WDR49: variants seen among roughly 807,000 people sequenced by gnomAD.
WDR49 encodes WD repeat domain 49, also known as cilia- and flagella-associated protein 337.
In WDR49, 107 loss-of-function variants were observed where a neutral mutation model predicts 119.5. The ratio of observed to expected loss-of-function variants is 0.90; its 90% CI spans 0.77 to 1.05. WDR49 has a LOEUF of 1.05. WDR49 is among the 50% of genes least tolerant of loss of function. The pLI is 0.00. For synonymous variants in WDR49, 425 were observed against 418.8 expected (o/e 1.01, Z -0.18); for missense variants, 1,240 against 1,220.5 (o/e 1.02, Z -0.24).
intron 18 of WDR49, among the ~76,000 whole-genome samples, chr3:167,499,655 T>A (rs1259342908): frequency 2.0e-5 from 3 of 152,246 alleles, no homozygotes; most frequent in African/African-American, 7.2e-5. Flanking sequence ...TAGGGATCAT[T>A]CACTTATAGT....
intron 15 of WDR49, among the ~76,000 whole-genome samples, chr3:167,525,382 T>C (rs1289328776): frequency 6.6e-6 from 1 of 152,124 alleles, no homozygotes; most frequent in Admixed American, 6.6e-5. Context: ...TCTCTGCATA[T>C]TTGAATACCC....
At chr3:167,537,302 A>G (rs1357274779) in intron 10 of WDR49, among the ~76,000 whole-genome samples, 1 of 152,162 alleles carries the variant, frequency 6.6e-6, no homozygotes, top group African/African-American at 2.4e-5. Context: ...CCTAAAGCAA[A>G]GTTTCCCCAC....
At chr3:167,557,053 C>T (rs992803589) in intron 9 of WDR49, among the ~76,000 whole-genome samples, 8 of 151,744 alleles carry the variant, frequency 5.3e-5, no homozygotes, top group African/African-American at 1.9e-4. Flanking sequence ...AAAAATTAGC[C>T]GAGCATGGTG....
At chr3:167,633,421 C>T (rs1362192890) in intron 2 of WDR49, 2 of 455,944 alleles carry the variant, frequency 4.4e-6, no homozygotes, top group East Asian at 1.4e-4. Context: ...GTTCCCAGAA[C>T]CATGGCTCTT....
At position 167,604,391 on chromosome 3, in the gene WDR49, C is replaced by T. The variant is rs768932055; in HGVS notation, c.1036G>A (p.Glu346Lys). 6.2e-7 allele frequency: 1 copy of T among 1,613,574 alleles called. No homozygotes were observed. The highest frequency in any genetic ancestry group is 1.3e-5 in the African/African-American group (1 of 74,884). Residue 346 changes from glutamate to lysine, a missense_variant, in exon 6 of 19, where the codon GAG becomes AAG. Glu to Lys is a moderately conservative substitution (Grantham distance 56). Transcript: ENST00000682715. ...ATATTAAGACGCTTTTTTGATTTCTCTCTCCAAGCCATCACCACACTATTT... is the reference window on the plus strand; with the variant it reads ...ATATTAAGACGCTTTTTTGATTTCTTTCTCCAAGCCATCACCACACTATTT... ...NTNSVVMAWR[E>K]KSKKRLNMTS...
chr3:167,614,015 A>G (rs756863716), intron 5 of WDR49, among the ~76,000 whole-genome samples: 1 of 152,062 alleles, frequency 6.6e-6, no homozygotes. Context: ...CCCTGGTCAA[A>G]GGGCAGAAAA....
At chr3:167,575,263 T>C (rs1714173593) in intron 8 of WDR49, 1 of 985,702 alleles carries the variant, frequency 1.0e-6, no homozygotes, top group South Asian at 4.7e-5. Context: ...CTTCACTGCC[T>C]GGGCCGCCCT....
At chr3:167,617,579 T>C (rs1369663961) in intron 5 of WDR49, among the ~76,000 whole-genome samples, 1 of 152,136 alleles carries the variant, frequency 6.6e-6, no homozygotes, top group East Asian at 1.9e-4. Flanking sequence ...AAAGAAAGAC[T>C]TGTCTTTAGT....
chr3:167,600,080 A>G (rs554611112), intron 7 of WDR49, among the ~76,000 whole-genome samples: 1 of 151,938 alleles, frequency 6.6e-6, no homozygotes, highest in Non-Finnish European at 1.5e-5. Flanking sequence ...CTGACCAGGG[A>G]CCTATCTTAT....
Position 167,540,859 on chromosome 3 carries a change from C to T in WDR49, c.1824-3859G>A, listed in dbSNP as rs565747431. ...TAAATAGATATCAAAAAGAAAAAAA[C>T]AATCACAACTTCTGAAAATGAAAGA... is the stretch of plus-strand genomic sequence containing the variant. On this transcript the variant is annotated intron_variant, in intron 10 of 18. Coordinates refer to ENST00000682715, the MANE Select transcript of WDR49 (RefSeq NM_001366157.1). 9.2e-5 allele frequency among the ~76,000 whole-genome samples: 14 copies of T among 151,788 alleles called. No homozygotes were observed. The South Asian group carries it at 1.9e-3, about 20-fold the overall frequency.
chr3:167,614,770 TC>T (rs1264777175), intron 5 of WDR49, among the ~76,000 whole-genome samples: 1 of 152,252 alleles, frequency 6.6e-6, no homozygotes, highest in Non-Finnish European at 1.5e-5. Flanking sequence ...TCATATTTGC[TC>T]ATGTGTTTCT....
intron 11 of WDR49, 141 bp from the exon 12 acceptor site, chr3:167,533,118 T>A (rs1312891597): frequency 9.5e-6 from 5 of 528,478 alleles, no homozygotes; most frequent in East Asian, 8.9e-5. Context: ...TTTAGAAACA[T>A]GAATAATAAT....
In WDR49 at chr3:167,560,235, G is replaced by C. The variant is rs773474637; in HGVS notation, c.1510-7C>G. ...CTGTATCAGAGCTGATTACCTAAGA[G>C]AAAATAACATTTTAAAGAAATTAAA... On this transcript the variant is annotated splice_polypyrimidine_tract_variant and splice_region_variant and intron_variant, in intron 8 of 18. Transcript: ENST00000682715. 7 of 1,605,500 alleles carry C rather than the reference G, an allele frequency of 4.4e-6. No individual in the cohort carries two copies. Among genetic ancestry groups the C allele is most frequent in the Non-Finnish European group, 6.0e-6 (7 of 1,176,278 alleles).
intron 16 of WDR49, among the ~76,000 whole-genome samples, chr3:167,508,563 A>G (rs1332602573): frequency 5.3e-5 from 8 of 152,198 alleles, no homozygotes; most frequent in Admixed American, 2.0e-4. Flanking sequence ...AAGCAAGACA[A>G]TATTTTTCAC....
At chr3:167,588,985 T>C (rs182656746) in intron 7 of WDR49, among the ~76,000 whole-genome samples, 3 of 151,930 alleles carry the variant, frequency 2.0e-5, no homozygotes, top group South Asian at 2.1e-4. Context: ...CCTGTGCTTG[T>C]GGGGTATTGC....
intron 16 of WDR49, among the ~76,000 whole-genome samples, chr3:167,506,794 G>A (rs766110874): frequency 7.5e-4 from 113 of 151,440 alleles, no homozygotes; most frequent in Non-Finnish European, 1.1e-3. Context: ...TAACTCCTTA[G>A]CCTCTGGCCT....
chr3:167,583,145 C>T (rs1714635389), intron 7 of WDR49, among the ~76,000 whole-genome samples: 1 of 152,080 alleles, frequency 6.6e-6, no homozygotes, highest in African/African-American at 2.4e-5. Context: ...TCATTATTCA[C>T]ATAACATTAA....
intron 10 of WDR49, among the ~76,000 whole-genome samples, chr3:167,545,345 GTA>G (rs1013828641): frequency 1.3e-5 from 2 of 151,412 alleles, no homozygotes; most frequent in African/African-American, 2.4e-5. Context: ...CCACTATGGG[GTA>G]TCTCCCCAGA....
intron 12 of WDR49, among the ~76,000 whole-genome samples, chr3:167,532,178 A>T (rs1273496812): frequency 6.6e-6 from 1 of 152,188 alleles, no homozygotes; most frequent in Non-Finnish European, 1.5e-5. Context: ...TCTGATGATC[A>T]GTCCATTCCT....
Sources: gnomAD v4.1 joint callset for allele counts (sites outside exome capture counted in the v4.1 genomes callset) on GRCh38, gnomAD v4.1.1 for gene constraint, MANE v1.5 for transcripts, NCBI Gene and HGNC (gene_info 2026-07-23, HGNC 2026-07-21) for gene names.